The following OSBPL9 variants were observed in gnomAD, a reference collection of about 807,000 sequenced individuals.
OSBPL9 encodes oxysterol binding protein like 9, also known as oxysterol-binding protein-related protein 9.
A neutral mutation model predicts 106.6 loss-of-function variants in OSBPL9; 40 were observed. That is an observed-to-expected ratio of 0.38 (90% CI 0.29 to 0.49). OSBPL9 has a LOEUF of 0.49. Among genes scored for constraint, OSBPL9 ranks in the 20% least tolerant of loss-of-function variants. OSBPL9 has a pLI of 0.97. For missense variants in OSBPL9, 609 were observed against 887.2 expected, an observed-to-expected ratio of 0.69 and a Z score of 3.98; for synonymous variants, 269 against 295.4, an observed-to-expected ratio of 0.91 and a Z score of 0.92.
rs766921379 is a variant in OSBPL9 at position 51,745,715 on chromosome 1, G to A, written c.414+84G>A. ...TTTTGAGTAAAAACAGTTACTTGAT[G>A]TTAATTTACAGCCCTCATGTGGTTC... On this transcript the variant is annotated intron_variant, in intron 5 of 23. Coordinates refer to ENST00000428468, the MANE Select transcript of OSBPL9 (RefSeq NM_024586.6). 6.6e-4 allele frequency: 912 copies of A among 1,386,894 alleles called. 18 individuals carry two copies. Among genetic ancestry groups the A allele is most frequent in the Non-Finnish European group, 1.4e-4 (154 of 1,070,660 alleles). 85.9% of individuals were successfully genotyped at this position (1,386,894 alleles called of 1,614,324 possible).
intron 12 of OSBPL9, among the ~76,000 whole-genome samples, chr1:51,767,632 G>A (rs541933354): frequency 1.3e-5 from 2 of 152,196 alleles, no homozygotes; most frequent in South Asian, 4.1e-4. Context: ...TGTGGTCTAG[G>A]TGAATATATA....
At chr1:51,599,248 T>C (rs915968078) in intron 2 of OSBPL9, among the ~76,000 whole-genome samples, 1 of 152,214 alleles carries the variant, frequency 6.6e-6, no homozygotes, top group African/African-American at 2.4e-5. Context: ...ACTTCTGTTA[T>C]AACAAGCACT....
At chr1:51,710,656 A>G (rs1310599059) in intron 3 of OSBPL9, among the ~76,000 whole-genome samples, 1 of 152,246 alleles carries the variant, frequency 6.6e-6, no homozygotes, top group Non-Finnish European at 1.5e-5. Flanking sequence ...CTAAATTGAC[A>G]GTTACTCTCT....
chr1:51,663,448 G>C (rs1295166140), intron 2 of OSBPL9, among the ~76,000 whole-genome samples: 1 of 152,002 alleles, frequency 6.6e-6, no homozygotes, highest in Non-Finnish European at 1.5e-5. Context: ...TGCCCCTTTG[G>C]GGATGGCTGG....
At chr1:51,606,839 G>C (rs1168138355) in intron 2 of OSBPL9, among the ~76,000 whole-genome samples, 1 of 152,116 alleles carries the variant, frequency 6.6e-6, no homozygotes, top group East Asian at 1.9e-4. Context: ...ACGAGGTCAG[G>C]AGATCGAGAC....
At chr1:51,605,990 C>CGAGA (rs369695331) in intron 2 of OSBPL9, among the ~76,000 whole-genome samples, 6 of 129,888 alleles carry the variant, frequency 4.6e-5, no homozygotes, top group African/African-American at 1.2e-4. Context: ...AGAAAGAGAG[C>CGAGA]GAGAGAGAGA....
chr1:51,539,532 T>G, the OSBPL9 span, among the ~76,000 whole-genome samples: 1 of 152,202 alleles, frequency 6.6e-6, no homozygotes, highest in Admixed American at 6.5e-5. Context: ...CCAGCTACAA[T>G]GACCTTTCTA....
intron 3 of OSBPL9, chr1:51,709,160 C>G (rs1410235983): frequency 6.2e-6 from 1 of 160,348 alleles, no homozygotes; most frequent in African/African-American, 2.4e-5. Flanking sequence ...TTGAGCCAGT[C>G]AAGGCACTGC....
At chr1:51,664,440 C>A (rs1393497935) in intron 2 of OSBPL9, among the ~76,000 whole-genome samples, 2 of 152,134 alleles carry the variant, frequency 1.3e-5, no homozygotes, top group East Asian at 3.8e-4. Flanking sequence ...CCTGTAATCC[C>A]AGCACTTTGA....
At chr1:51,756,581 C>T (rs1670385096) in intron 9 of OSBPL9, 1 of 509,874 alleles carries the variant, frequency 2.0e-6, no homozygotes, top group Admixed American at 3.3e-5. Context: ...GATTGAATCA[C>T]TTTGCATGTA....
chr1:51,527,844 G>A, the OSBPL9 span, among the ~76,000 whole-genome samples: 3 of 152,066 alleles, frequency 2.0e-5, no homozygotes, highest in Admixed American at 2.0e-4. Context: ...CGGGCACCGT[G>A]GCTCATGCCT....
chr1:51,657,692 A>T (rs1177283400), intron 2 of OSBPL9, among the ~76,000 whole-genome samples: 1 of 152,228 alleles, frequency 6.6e-6, no homozygotes, highest in African/African-American at 2.4e-5. Flanking sequence ...TCCTTGATGA[A>T]GAAATAAAAT....
chr1:51,599,170 A>G (rs778067995), intron 2 of OSBPL9, among the ~76,000 whole-genome samples: 46 of 152,124 alleles, frequency 3.0e-4, no homozygotes, highest in Non-Finnish European at 4.4e-5. Context: ...CTATGATTAC[A>G]CCACTGCACT....
intron 21 of OSBPL9, chr1:51,786,135 T>G: frequency 2.0e-6 from 1 of 508,782 alleles, no homozygotes; most frequent in South Asian, 2.5e-5. Flanking sequence ...CTCAAAACAC[T>G]TGAGAATAAT....
At chr1:51,626,703 A>G (rs1644789581) in intron 1 of OSBPL9, among the ~76,000 whole-genome samples, 1 of 150,630 alleles carries the variant, frequency 6.6e-6, no homozygotes, top group Non-Finnish European at 1.5e-5. Flanking sequence ...TTTTTTTGGT[A>G]GAGTTAGGGT....
rs780247030 is a variant in OSBPL9 at position 51,772,227 on chromosome 1, T to C, written c.1051+45T>C. On this transcript the variant is annotated intron_variant, in intron 13 of 23. Coordinates refer to ENST00000428468, the MANE Select transcript of OSBPL9 (RefSeq NM_024586.6). ...TTAACTTTTTTTTCTTTAAAAATAT[T>C]TGTGGCCAGATGTGGTGGCTCATGC... is the stretch of plus-strand genomic sequence containing the variant. 1.4e-5 allele frequency: 21 copies of C among 1,497,176 alleles called. 1 individual carries two copies. The South Asian group carries it at 2.4e-4, about 17-fold the overall frequency. 92.7% of individuals were successfully genotyped at this position (1,497,176 alleles called of 1,614,324 possible).
At chr1:51,755,018 A>C (rs1479805306) in intron 8 of OSBPL9, among the ~76,000 whole-genome samples, 1 of 152,110 alleles carries the variant, frequency 6.6e-6, no homozygotes, top group Non-Finnish European at 1.5e-5. Flanking sequence ...TGTTGCTTAG[A>C]CTGGTCTCAA....
chr1:51,587,281 T>A (rs1340864619), intron 1 of OSBPL9, among the ~76,000 whole-genome samples: 1 of 152,070 alleles, frequency 6.6e-6, no homozygotes, highest in Non-Finnish European at 1.5e-5. Context: ...GGGAGAATTG[T>A]TTGAACACAG....
chr1:51,672,811 G>A (rs936194060), intron 3 of OSBPL9, among the ~76,000 whole-genome samples: 1 of 152,200 alleles, frequency 6.6e-6, no homozygotes, highest in Non-Finnish European at 1.5e-5. Flanking sequence ...GAAGATTGCA[G>A]GAGGAACTAG....
Sources: allele counts gnomAD v4.1 joint callset (sites outside exome capture counted in the v4.1 genomes callset), GRCh38; gene constraint gnomAD v4.1.1; transcripts MANE v1.5; gene names NCBI Gene and HGNC (gene_info 2026-07-23, HGNC 2026-07-21).